The following DMRT1 variants were observed in gnomAD, a reference collection of about 807,000 sequenced individuals.
DMRT1 encodes doublesex- and mab-3-related transcription factor 1.
DMRT1 carries 7 observed loss-of-function variants against 32.3 expected under a neutral mutation model. That is an observed-to-expected ratio of 0.22 (90% CI 0.12 to 0.41). The LOEUF (loss-of-function observed/expected upper bound fraction) is 0.41, where lower values mean the gene tolerates loss of function less well. Ranked by LOEUF, DMRT1 falls within the 10% of genes least tolerant of loss-of-function variation. The probability of loss-of-function intolerance (pLI) is 1.00; values close to 1 mark genes in which losing one functional copy is unlikely to be tolerated. For missense variants in DMRT1, 625 were observed against 500.5 expected, an observed-to-expected ratio of 1.25 and a Z score of -2.37; for synonymous variants, 278 against 206.1, an observed-to-expected ratio of 1.35 and a Z score of -2.99.
intron 2 of DMRT1, among the ~76,000 whole-genome samples, chr9:867,444 T>G (rs768165025): frequency 7.9e-5 from 12 of 152,208 alleles, no homozygotes; most frequent in Non-Finnish European, 1.8e-4. Flanking sequence ...TTTTCATAGG[T>G]GGTAGTAATA....
chr9:948,141 G>A (rs1488666965), intron 4 of DMRT1, among the ~76,000 whole-genome samples: 1 of 152,214 alleles, frequency 6.6e-6, no homozygotes, highest in African/African-American at 2.4e-5. Flanking sequence ...CTCCTGTGCT[G>A]CTGCTTTGTG....
In DMRT1 at chr9:902,162, A is replaced by T. The variant is rs544729215; in HGVS notation, c.822+7967A>T. Among the ~76,000 whole-genome samples the T allele has an allele frequency of 9.3e-5, 14 of 150,430 alleles. No individual in the cohort carries two copies. The East Asian group carries it at 1.6e-3, about 17-fold the overall frequency. On this transcript the variant is annotated intron_variant, in intron 3 of 4. Transcript: ENST00000382276. ...TGACCTCAGGTGATCCGCCCCCCTC[A>T]GCCTCCCAAAGTGCTGGGATTACAG...
intron 4 of DMRT1, among the ~76,000 whole-genome samples, chr9:959,017 T>C (rs1819685875): frequency 6.6e-6 from 1 of 152,268 alleles, no homozygotes; most frequent in Admixed American, 6.5e-5. Flanking sequence ...CTTTAAAATT[T>C]TCTCATACTG....
chr9:892,086 C>A (rs186506172), intron 2 of DMRT1, among the ~76,000 whole-genome samples: 60 of 152,276 alleles, frequency 3.9e-4, no homozygotes, highest in Non-Finnish European at 7.6e-4. Flanking sequence ...AGGCCTGCAT[C>A]TGCTCCTTTC....
chr9:962,970 G>A (rs1046454081), intron 4 of DMRT1, among the ~76,000 whole-genome samples: 3 of 152,138 alleles, frequency 2.0e-5, no homozygotes, highest in Admixed American at 6.5e-5. Flanking sequence ...CCTTTTGAGA[G>A]TTAAAAAATT....
chr9:893,909 T>C lies in DMRT1; in HGVS notation c.539-3T>C. 6.2e-7 allele frequency: 1 copy of C among 1,613,692 alleles called. No homozygotes were observed. ...TGTATTTTTCTTTTTTCTTCCAATT[T>C]AGAGGGACGTATGGTCATCCAGGAT... On this transcript the variant is annotated splice_polypyrimidine_tract_variant and splice_region_variant and intron_variant, in intron 2 of 4. Transcript: ENST00000382276.
intron 2 of DMRT1, among the ~76,000 whole-genome samples, chr9:868,967 T>G (rs1009190426): frequency 3.9e-5 from 6 of 152,096 alleles, no homozygotes; most frequent in Non-Finnish European, 8.8e-5. Flanking sequence ...ACCATGATCG[T>G]GCCACCTCAC....
At chr9:871,499 ATTTTTTTT>A (rs56390211) in intron 2 of DMRT1, among the ~76,000 whole-genome samples, 1 of 115,092 alleles carries the variant, frequency 8.7e-6, no homozygotes, top group Non-Finnish European at 1.7e-5. Flanking sequence ...CGCCCGGCTA[ATTTTTTTT>A]TTTTTTTTTT....
intron 2 of DMRT1, among the ~76,000 whole-genome samples, chr9:856,867 T>A (rs1815421479): frequency 6.6e-6 from 1 of 152,182 alleles, no homozygotes; most frequent in Admixed American, 6.5e-5. Flanking sequence ...TCTATGAGGG[T>A]TCCAGAAAAT....
At chr9:908,058 C>T (rs375033976) in intron 3 of DMRT1, among the ~76,000 whole-genome samples, 7 of 152,200 alleles carry the variant, frequency 4.6e-5, no homozygotes, top group African/African-American at 1.7e-4. Context: ...AAAATACTCA[C>T]ATCTGAATTG....
At chr9:899,521 G>C (rs1817492600) in intron 3 of DMRT1, among the ~76,000 whole-genome samples, 1 of 152,088 alleles carries the variant, frequency 6.6e-6, no homozygotes, top group African/African-American at 2.4e-5. Flanking sequence ...AATTGCTTCT[G>C]GTCTGCCTCA....
chr9:842,076 A>C lies in DMRT1; in HGVS notation c.238A>C (p.Arg80=), dbSNP rs370607838. Reference sequence around the variant, plus strand: ...GCGGCTGCCCAAGTGCGCACGCTGCAGGAACCACGGCTACGCCTCGCCGCT... The same window carrying C: ...GCGGCTGCCCAAGTGCGCACGCTGCCGGAACCACGGCTACGCCTCGCCGCT... ...SPRLPKCARC[R]NHGYASPLKG... is the part of the protein sequence containing the mutation. Residue 80 remains arginine, a synonymous_variant, in exon 1 of 5, where the codon AGG becomes CGG. Transcript: ENST00000382276. 1.9e-5 allele frequency: 29 copies of C among 1,546,360 alleles called. No individual in the cohort carries two copies. In the Middle Eastern group the frequency reaches 1.1e-3, roughly 57 times the overall value.
chr9:846,264 C>T (rs1001509465), intron 1 of DMRT1, among the ~76,000 whole-genome samples: 27 of 152,056 alleles, frequency 1.8e-4, no homozygotes, highest in African/African-American at 6.0e-4. Flanking sequence ...AACTCCTGAC[C>T]TCCGGTGATC....
intron 2 of DMRT1, among the ~76,000 whole-genome samples, chr9:882,963 G>C (rs1019901434): frequency 6.6e-6 from 1 of 151,532 alleles, no homozygotes; most frequent in African/African-American, 2.4e-5. Context: ...GTAGAGACGG[G>C]GTTTCACCAT....
intron 2 of DMRT1, among the ~76,000 whole-genome samples, 157 bp downstream of exon 2, chr9:847,300 A>C (rs56046322): frequency 0.014 from 2,076 of 152,306 alleles, 51 homozygotes; most frequent in African/African-American, 0.045. Flanking sequence ...TTGTGCCTGC[A>C]TCACAAAGGA....
chr9:923,565 C>G (rs1818423096), intron 4 of DMRT1, among the ~76,000 whole-genome samples: 1 of 152,118 alleles, frequency 6.6e-6, no homozygotes, highest in Non-Finnish European at 1.5e-5. Context: ...ATGACTTTCC[C>G]CCATTTTTTC....
chr9:878,991 A>G (rs1816623362), intron 2 of DMRT1, among the ~76,000 whole-genome samples: 2 of 152,160 alleles, frequency 1.3e-5, no homozygotes, highest in South Asian at 2.1e-4. Flanking sequence ...ATATTGTGTC[A>G]TTCTTAATGC....
In DMRT1 at chr9:965,322, AAC is replaced by A. The variant is rs893637060; in HGVS notation, c.968-2660_968-2659del. Among the ~76,000 whole-genome samples, 4 of 152,230 alleles carry A rather than the reference AAC, an allele frequency of 2.6e-5. No homozygotes were observed. Among genetic ancestry groups the A allele is most frequent in the Non-Finnish European group, 2.9e-5 (2 of 68,048 alleles). On this transcript the variant is annotated intron_variant, in intron 4 of 4. Transcript: ENST00000382276. This position sits in a 1 kb window ranked among gnomAD's most constrained non-coding sequence, Gnocchi z 4.5. ...CATGGGTTTAAATTTTGAGTGGAGA[AAC>A]ACTATAAACAATACGGCTGTTTTTC...
chr9:966,169 C>A (rs1819924871), intron 4 of DMRT1, among the ~76,000 whole-genome samples: 2 of 152,112 alleles, frequency 1.3e-5, no homozygotes, highest in African/African-American at 4.8e-5. Context: ...ATTAATAAAT[C>A]ACCTTGGATT....
Sources: allele counts gnomAD v4.1 joint callset (sites outside exome capture counted in the v4.1 genomes callset), GRCh38; gene constraint gnomAD v4.1.1; non-coding constraint Gnocchi (gnomAD v3.1); transcripts MANE v1.5; gene names NCBI Gene and HGNC (gene_info 2026-07-23, HGNC 2026-07-21).